ABCA2: variants seen among roughly 807,000 people sequenced by gnomAD.
The protein encoded by ABCA2 is ATP-binding cassette sub-family A member 2.
Under a neutral mutation model 262.8 loss-of-function variants are expected in ABCA2, and 84 were observed. The observed-to-expected ratio is 0.32, with a 90% CI of 0.27 to 0.38. The LOEUF is 0.38. Among genes scored for constraint, ABCA2 ranks in the 10% least tolerant of loss-of-function variants. The probability of loss-of-function intolerance (pLI) is 1.00; values close to 1 mark genes in which losing one functional copy is unlikely to be tolerated. For missense variants in ABCA2, 2,662 were observed against 3,405.9 expected (o/e 0.78, Z 5.44); for synonymous variants, 1,696 against 1,502.9 (o/e 1.13, Z -2.97).
At chr9:137,012,949 G>C (rs1043697984) in intron 30 of ABCA2, 24 bp from the exon 31 acceptor site, 5 of 1,487,708 alleles carry the variant, frequency 3.4e-6, no homozygotes, top group Non-Finnish European at 4.5e-6. Flanking sequence ...ATGGTGCGGT[G>C]AGAAGGACCC....
rs575923299 is a variant in ABCA2, at chr9:137,008,871, G to A, written c.6931-3C>T. On this transcript the variant is annotated splice_polypyrimidine_tract_variant and splice_region_variant and intron_variant, in intron 46 of 48. Transcript: ENST00000341511. Reference sequence around the variant, plus strand: ...TGCACCTTTGTGTGGTGCCGCTCCTGCAGGGGGGGAGGTCAGAGGCCTGGC... The same window carrying A: ...TGCACCTTTGTGTGGTGCCGCTCCTACAGGGGGGGAGGTCAGAGGCCTGGC... 38 of 1,604,068 alleles carry A rather than the reference G, an allele frequency of 2.4e-5. No homozygotes were observed. The highest frequency in any genetic ancestry group is 3.1e-5 in the Non-Finnish European group (37 of 1,179,508).
rs1489700906 is a variant in ABCA2, at chr9:137,019,363, G to T, written c.1426-57C>A. 1.9e-6 allele frequency: 3 copies of T among 1,591,906 alleles called. No homozygotes were observed. Among genetic ancestry groups the T allele is most frequent in the African/African-American group, 1.3e-5 (1 of 74,450 alleles). On this transcript the variant is annotated intron_variant, in intron 10 of 48. Coordinates refer to ENST00000341511, the MANE Select transcript of ABCA2 (RefSeq NM_001606.5). The surrounding 1 kb of genome is among the most constrained non-coding windows in gnomAD (Gnocchi z 4.4). ...CTGGACGGACCCCCACCGACTTGGG[G>T]GCTCTCACCCCACTCACCTCCCCAG...
Position 137,011,822 on chromosome 9 carries a change from C to T in ABCA2, c.5535+22G>A. The T allele has an allele frequency of 6.4e-7, 1 of 1,562,738 alleles. No individual in the cohort carries two copies. On this transcript the variant is annotated intron_variant, in intron 35 of 48. Transcript: ENST00000341511. This position sits in a 1 kb window ranked among gnomAD's most constrained non-coding sequence, Gnocchi z 8.8. ...TGGGGGATGAGAAGGGCCGGGGCAC[C>T]CCATGGCCACGCCGGGCGCACCATG... is the stretch of plus-strand genomic sequence containing the variant.
Position 137,018,734 on chromosome 9 carries a change from C to T in ABCA2, c.1804G>A (p.Val602Ile). The T allele has an allele frequency of 3.1e-6, 5 of 1,611,430 alleles. No homozygotes were observed. The highest frequency in any genetic ancestry group is 2.2e-5 in the East Asian group (1 of 44,836). ...GGCAGCTCACTGGCAAAAACAGTGA[C>T]GTTGTCCTGGTAGGCCTGGTTGAGG... is the stretch of plus-strand genomic sequence containing the variant. ...YTLNQAYQDNVTVFASVIFQT... is the reference protein window; with the variant it reads ...YTLNQAYQDNITVFASVIFQT... Residue 602 changes from valine to isoleucine, a missense_variant, in exon 13 of 49, where the codon GTC becomes ATC. This residue lies in a region of ABCA2 where 187 missense variants were observed against 205.9 expected (regional missense o/e 0.91). Coordinates refer to ENST00000341511, the MANE Select transcript of ABCA2 (RefSeq NM_001606.5).
rs370050875 is a variant in ABCA2 at position 137,011,347 on chromosome 9, G to A, written c.5800-38C>T. ...CGGGGTCAGGGGCACAGGGGTGGCCGGGGTGAGGGGCACAGCCTCCGCAGG... is the reference window on the plus strand; with the variant it reads ...CGGGGTCAGGGGCACAGGGGTGGCCAGGGTGAGGGGCACAGCCTCCGCAGG... On this transcript the variant is annotated intron_variant, in intron 37 of 48. Transcript: ENST00000341511. The surrounding 1 kb of genome is among the most constrained non-coding windows in gnomAD (Gnocchi z 8.8). 74 of 1,603,508 alleles carry A rather than the reference G, an allele frequency of 4.6e-5. No individual in the cohort carries two copies. In the Middle Eastern group the frequency reaches 6.6e-4, roughly 14 times the overall value.
rs1191381483 is a variant in ABCA2 at position 137,018,200 on chromosome 9, G to A, written c.1971C>T (p.Leu657=). 6.2e-7 allele frequency: 1 copy of A among 1,612,008 alleles called. No individual in the cohort carries two copies. Among genetic ancestry groups the A allele is most frequent in the Non-Finnish European group, 8.5e-7 (1 of 1,179,818 alleles). ...GPNTGGRFYF[L]YGFVWIQDMM... is the part of the protein sequence containing the mutation. ...CACCCTGGATCCAGACGAAGCCGTA[G>A]AGGAAGTAGAAGCGGCCGCCAGTAT... Residue 657 remains leucine, a synonymous_variant, in exon 14 of 49, where the codon CTC becomes CTT. Coordinates refer to ENST00000341511, the MANE Select transcript of ABCA2 (RefSeq NM_001606.5).
Position 137,021,654 on chromosome 9 carries a change from G to A in ABCA2, c.679-44C>T, listed in dbSNP as rs1004634740. 1 of 1,528,822 alleles carries A rather than the reference G, an allele frequency of 6.5e-7. No homozygotes were observed. Among genetic ancestry groups the A allele is most frequent in the African/African-American group, 1.4e-5 (1 of 72,646 alleles). 94.7% of individuals were successfully genotyped at this position (1,528,822 alleles called of 1,614,324 possible). On this transcript the variant is annotated intron_variant, in intron 7 of 48. Transcript: ENST00000341511. This position sits in a 1 kb window ranked among gnomAD's most constrained non-coding sequence, Gnocchi z 6.0. The stretch of plus-strand genomic sequence containing the variant: ...TCCGTGGAGCCACGGCAAGGACTTT[G>A]TCCCCAACCACTAGGGCCTCAGGCC...
At position 137,016,966 on chromosome 9, in the gene ABCA2, G is replaced by A. The variant is rs773071330; in HGVS notation, c.2712C>T (p.Ala904=). ...ACCACGTGAGGATGCCATAGACCAC[G>A]GCGTCCACCATCAGCATGGTGACAG... The part of the protein sequence containing the change: ...LLAVTMLMVD[A]VVYGILTWYI... The change falls in exon 19 of 49, where the codon GCC becomes GCT. Residue 904 remains alanine (A), a synonymous_variant. Coordinates refer to ENST00000341511, the MANE Select transcript of ABCA2 (RefSeq NM_001606.5). The A allele has an allele frequency of 1.1e-5, 17 of 1,612,658 alleles. No individual in the cohort carries two copies. The highest frequency in any genetic ancestry group is 2.7e-5 in the African/African-American group (2 of 74,920).
At position 137,012,445 on chromosome 9, in the gene ABCA2, C is replaced by T. The variant is rs536210731; in HGVS notation, c.5187+40G>A. 86 of 1,608,888 alleles carry T rather than the reference C, an allele frequency of 5.3e-5. No individual in the cohort carries two copies. The Admixed American group carries it at 8.8e-4, about 17-fold the overall frequency. On this transcript the variant is annotated intron_variant, in intron 32 of 48. Coordinates refer to ENST00000341511, the MANE Select transcript of ABCA2 (RefSeq NM_001606.5). Reference sequence around the variant, plus strand: ...CTGGGTCCCTGCAGACCTCGGGCGGCGCTACACACAGCGGGGCCCAGGCCC... The same window carrying T: ...CTGGGTCCCTGCAGACCTCGGGCGGTGCTACACACAGCGGGGCCCAGGCCC...
At chr9:137,020,088 G>A (rs1159297435) in intron 10 of ABCA2, 23 of 553,206 alleles carry the variant, frequency 4.2e-5, no homozygotes, top group African/African-American at 1.3e-4. Flanking sequence ...GCCCTGGACC[G>A]GCCACCCCCA....
chr9:137,014,046 G>C lies in ABCA2; in HGVS notation c.4241-8C>G. 1 of 1,609,414 alleles carries C rather than the reference G, an allele frequency of 6.2e-7. No individual in the cohort carries two copies. The highest frequency in any genetic ancestry group is 1.3e-5 in the African/African-American group (1 of 75,020). On this transcript the variant is annotated splice_region_variant and splice_polypyrimidine_tract_variant and intron_variant, in intron 27 of 48. Transcript: ENST00000341511. ...GGGCCTCTGCCTCCACCTCTGTGCAGAGAGGTAGAGGCTGAGCAGGTGGTT... is the reference window on the plus strand; with the variant it reads ...GGGCCTCTGCCTCCACCTCTGTGCACAGAGGTAGAGGCTGAGCAGGTGGTT...
At position 137,020,816 on chromosome 9, in the gene ABCA2, G is replaced by T; in HGVS notation, c.1143C>A (p.Ala381=). 6.4e-7 allele frequency: 1 copy of T among 1,564,174 alleles called. No homozygotes were observed. The change falls in exon 9 of 49, where the codon GCC becomes GCA. Residue 381 remains alanine, a synonymous_variant. Transcript: ENST00000341511. Reference sequence around the variant, plus strand: ...CAGAGGGTGCGCCCTCCTCAGCGGTGGCGTTGGGGCCCATGACTGCCCCTG... The same window carrying T: ...CAGAGGGTGCGCCCTCCTCAGCGGTTGCGTTGGGGCCCATGACTGCCCCTG... ...TGAGAVMGPN[A]TAEEGAPSAA...
chr9:137,016,673 G>A lies in ABCA2; in HGVS notation c.2824C>T (p.Arg942Trp). 1.9e-6 allele frequency: 3 copies of A among 1,597,442 alleles called. No individual in the cohort carries two copies. Among genetic ancestry groups the A allele is most frequent in the Non-Finnish European group, 2.6e-6 (3 of 1,172,578 alleles). The change falls in exon 20 of 49, where the codon CGG becomes TGG. Residue 942 changes from arginine to tryptophan, a missense_variant. Arg to Trp is a moderately radical substitution (Grantham distance 101). This residue lies in a region of ABCA2 where 133 missense variants were observed against 150.8 expected (regional missense o/e 0.88). Coordinates refer to ENST00000341511, the MANE Select transcript of ABCA2 (RefSeq NM_001606.5). Reference protein sequence around the residue: ...LQKSYWLGSGRTEAWEWSWPW... With the variant: ...LQKSYWLGSGWTEAWEWSWPW... ...CAGCTCCACTCCCAGGCTTCTGTCC[G>A]CCCACTGCCCAGCCAGTAGGACTTC...
At chr9:137,013,666 T>C in intron 28 of ABCA2, 103 bp from the exon 29 acceptor site, 3 of 1,383,678 alleles carry the variant, frequency 2.2e-6, no homozygotes, top group Non-Finnish European at 3.0e-6. Context: ...ACGCCTGGGG[T>C]CTGGGACCCG....
rs761348891 is a variant in ABCA2 at position 137,007,980 on chromosome 9, G to A, written c.7276-16C>T. 23 of 1,602,360 alleles carry A rather than the reference G, an allele frequency of 1.4e-5. No individual in the cohort carries two copies. The South Asian group carries it at 2.3e-4, about 16-fold the overall frequency. ...ACAGCTGGGCCTGTGCACAGGGGAG[G>A]TCAGGCTTATGGGGCATCCTGTGCC... On this transcript the variant is annotated splice_polypyrimidine_tract_variant and intron_variant, in intron 48 of 48. Transcript: ENST00000341511.
intron 25 of ABCA2, 50 bp downstream of exon 25, chr9:137,014,863 C>G: frequency 6.3e-7 from 1 of 1,575,598 alleles, no homozygotes. Context: ...GGCAGGAGTG[C>G]GCCCACCTCC....
At chr9:137,026,263 C>T (rs1831650300) in intron 1 of ABCA2, among the ~76,000 whole-genome samples, 1 of 152,194 alleles carries the variant, frequency 6.6e-6, no homozygotes, top group Non-Finnish European at 1.5e-5. Flanking sequence ...TTGGCACCCA[C>T]CCTCCAGACC....
rs867992689 is a variant in ABCA2, at chr9:137,010,036, G to T, written c.6442C>A (p.His2148Asn). ...CGCAGCCGCGTGTACAGCTGCAGGT[G>T]CTCCCGGGCCGTGAGCTCGTCGAAC... is the stretch of plus-strand genomic sequence containing the variant. ...ALFDELTARE[H>N]LQLYTRLRGI... The change falls in exon 42 of 49, where the codon CAC becomes AAC. Residue 2148 changes from histidine to asparagine, a missense_variant. His to Asn is a moderately conservative substitution (Grantham distance 68). Transcript: ENST00000341511. The T allele has an allele frequency of 1.2e-6, 2 of 1,600,622 alleles. No individual in the cohort carries two copies.
intron 1 of ABCA2, among the ~76,000 whole-genome samples, chr9:137,026,041 T>C (rs919804913): frequency 6.6e-6 from 1 of 152,136 alleles, no homozygotes; most frequent in Non-Finnish European, 1.5e-5. Flanking sequence ...TCCCGCCTAC[T>C]GTGTCGGGGG....
Sources: allele counts gnomAD v4.1 joint callset (sites outside exome capture counted in the v4.1 genomes callset), GRCh38; gene constraint gnomAD v4.1.1; regional missense constraint gnomAD v4.1.1; non-coding constraint Gnocchi (gnomAD v3.1); transcripts MANE v1.5; gene names NCBI Gene and HGNC (gene_info 2026-07-23, HGNC 2026-07-21).